Variants in TXNDC9 observed in about 807,000 individuals in gnomAD.
TXNDC9 encodes thioredoxin domain containing 9, also known as thioredoxin domain-containing protein 9.
In TXNDC9, 7 loss-of-function variants were observed where a neutral mutation model predicts 23.0. The ratio of observed to expected loss-of-function variants is 0.30; its 90% CI spans 0.17 to 0.57. The LOEUF (loss-of-function observed/expected upper bound fraction) is 0.57. TXNDC9 is among the 20% of genes least tolerant of loss of function. The pLI is 0.90. For synonymous variants in TXNDC9, 72 were observed against 90.6 expected (o/e 0.79, Z 1.17); for missense variants, 198 against 252.6 (o/e 0.78, Z 1.47).
chr2:99,333,811 T>C (rs2094231624), intron 1 of TXNDC9, among the ~76,000 whole-genome samples: 1 of 152,222 alleles, frequency 6.6e-6, no homozygotes, highest in Admixed American at 6.5e-5. Context: ...TGGTGTTCCC[T>C]GAGCATTAAT....
intron 1 of TXNDC9, among the ~76,000 whole-genome samples, chr2:99,334,232 T>A (rs1413783897): frequency 6.6e-6 from 1 of 151,908 alleles, no homozygotes. Context: ...GTGCCTGTAG[T>A]CCCCGCTACT....
In TXNDC9 at chr2:99,328,617, C is replaced by G. The variant is rs545146862; in HGVS notation, c.190-964G>C. ...AATGTAAATATCCACTTAACTCTAT[C>G]CATGTACTCTTAAACTACTAAAACC... is the stretch of plus-strand genomic sequence containing the variant. On this transcript the variant is annotated intron_variant, in intron 2 of 4. Coordinates refer to ENST00000264255, the MANE Select transcript of TXNDC9 (RefSeq NM_005783.4). 8.5e-4 allele frequency among the ~76,000 whole-genome samples: 129 copies of G among 152,166 alleles called. 1 individual carries two copies. The highest frequency in any genetic ancestry group is 6.9e-3 in the Admixed American group (105 of 15,272).
At chr2:99,329,759 G>A (rs1457396992) in intron 2 of TXNDC9, among the ~76,000 whole-genome samples, 2 of 152,026 alleles carry the variant, frequency 1.3e-5, no homozygotes, top group East Asian at 1.9e-4. Flanking sequence ...CTTGAGGACA[G>A]GAGTTTGAGA....
chr2:99,328,380 G>C (rs1444679934), intron 2 of TXNDC9, among the ~76,000 whole-genome samples: 1 of 151,932 alleles, frequency 6.6e-6, no homozygotes, highest in Non-Finnish European at 1.5e-5. Context: ...GGGGTTATAG[G>C]CATGAGCCAC....
intron 2 of TXNDC9, 50 bp downstream of exon 2, chr2:99,332,972 T>A (rs779664334): frequency 1.4e-5 from 20 of 1,438,532 alleles, no homozygotes; most frequent in Non-Finnish European, 1.8e-5. Context: ...ATATAAGTTG[T>A]TAGGCGCATA....
At chr2:99,331,851 T>A (rs746097957) in intron 2 of TXNDC9, among the ~76,000 whole-genome samples, 2 of 152,136 alleles carry the variant, frequency 1.3e-5, no homozygotes, top group Non-Finnish European at 2.9e-5. Context: ...TGCCTCAGCC[T>A]CCTGAGTAGC....
At chr2:99,334,285 C>CA (rs61650782) in intron 1 of TXNDC9, among the ~76,000 whole-genome samples, 22,404 of 152,148 alleles carry the variant, frequency 0.15, 1,813 homozygotes, top group East Asian at 0.26. Context: ...GCCCAGGAGG[C>CA]AGAGGTTGCA....
At chr2:99,308,632 A>G in the TXNDC9 span, among the ~76,000 whole-genome samples, 1 of 152,102 alleles carries the variant, frequency 6.6e-6, no homozygotes, top group Non-Finnish European at 1.5e-5. Flanking sequence ...GAAGATTAGA[A>G]TAACAAGAGG....
chr2:99,316,828 C>T (rs1196379222), downstream of TXNDC9, among the ~76,000 whole-genome samples: 2 of 152,158 alleles, frequency 1.3e-5, no homozygotes, highest in Non-Finnish European at 2.9e-5. Context: ...GCAATCTCGG[C>T]TCACTGCAAG....
intron 1 of TXNDC9, among the ~76,000 whole-genome samples, chr2:99,335,086 G>T (rs909976226): frequency 2.6e-5 from 4 of 152,238 alleles, no homozygotes; most frequent in Admixed American, 6.5e-5. Context: ...TAGAGGGCAA[G>T]TTTATGTGTA....
At chr2:99,317,005 C>T (rs1234506194), downstream of TXNDC9, among the ~76,000 whole-genome samples, 1 of 152,238 alleles carries the variant, frequency 6.6e-6, no homozygotes, top group Admixed American at 6.5e-5. Flanking sequence ...ATCCGCCCGC[C>T]TTGGCCTCCC....
At chr2:99,308,371 A>C in the TXNDC9 span, among the ~76,000 whole-genome samples, 4 of 152,158 alleles carry the variant, frequency 2.6e-5, no homozygotes, top group African/African-American at 9.7e-5. Flanking sequence ...TCTACACAGC[A>C]TAACAGCTTA....
Position 99,322,771 on chromosome 2 carries a change from ATTTTTTT to A in TXNDC9, c.309-569_309-563del. 11 of 1,334,284 alleles carry A rather than the reference ATTTTTTT, an allele frequency of 8.2e-6. No homozygotes were observed. In the South Asian group the frequency reaches 2.0e-4, roughly 24 times the overall value. The allele number at this position is 1,334,284 out of a possible 1,614,324, so 82.7% of individuals were successfully genotyped here. On this transcript the variant is annotated intron_variant, in intron 3 of 4. Coordinates refer to ENST00000264255, the MANE Select transcript of TXNDC9 (RefSeq NM_005783.4). ...ACCAGTAGTAACTTTTTTATTTTTT[ATTTTTTT>A]GGAGGTGGCGTATTGCCCTGTCCCC...
intron 2 of TXNDC9, among the ~76,000 whole-genome samples, chr2:99,330,411 C>T (rs1442838241): frequency 6.7e-6 from 1 of 149,748 alleles, no homozygotes; most frequent in African/African-American, 2.4e-5. Context: ...GGAGGATGTG[C>T]CCATTCCAAA....
chr2:99,310,117 C>G, the TXNDC9 span, among the ~76,000 whole-genome samples: 2 of 152,198 alleles, frequency 1.3e-5, no homozygotes, highest in Non-Finnish European at 2.9e-5. Context: ...AGTAGCACAA[C>G]TAACTCATCA....
At chr2:99,309,201 C>T in the TXNDC9 span, among the ~76,000 whole-genome samples, 1 of 151,354 alleles carries the variant, frequency 6.6e-6, no homozygotes, top group African/African-American at 2.4e-5. Context: ...GACGAAACCC[C>T]GTCTTTACTA....
Position 99,327,604 on chromosome 2 carries a change from C to T in TXNDC9, c.239G>A (p.Arg80Lys), listed in dbSNP as rs2094215525. The T allele has an allele frequency of 6.2e-7, 1 of 1,613,716 alleles. No homozygotes were observed. ...CTCCTTGACTTCTTGAAAAAAGTCTCTTTCACTAGGGATTTCTCTGTATTC... is the reference window on the plus strand; with the variant it reads ...CTCCTTGACTTCTTGAAAAAAGTCTTTTTCACTAGGGATTTCTCTGTATTC... ...HGEYREIPSE[R>K]DFFQEVKESE... The change falls in exon 3 of 5, where the codon AGA becomes AAA. Residue 80 changes from arginine (R) to lysine (K), a missense_variant. Coordinates refer to ENST00000264255, the MANE Select transcript of TXNDC9 (RefSeq NM_005783.4).
At chr2:99,316,342 T>A (rs1318327256), downstream of TXNDC9, among the ~76,000 whole-genome samples, 4 of 152,026 alleles carry the variant, frequency 2.6e-5, no homozygotes, top group Non-Finnish European at 5.9e-5. Context: ...GGCTAATTTT[T>A]AAAAATTTTT....
chr2:99,330,301 A>AAAAAAAAAAAAAAAAAAAAAAAAAAAAC, intron 2 of TXNDC9, among the ~76,000 whole-genome samples: 1 of 146,558 alleles, frequency 6.8e-6, no homozygotes, highest in Non-Finnish European at 1.5e-5. Flanking sequence ...AAAAAAAAAA[A>AAAAAAAAAAAAAAAAAAAAAAAAAAAAC]AAAAAAAAAA....
Sources: allele counts gnomAD v4.1 joint callset (sites outside exome capture counted in the v4.1 genomes callset), GRCh38; gene constraint gnomAD v4.1.1; transcripts MANE v1.5; gene names NCBI Gene and HGNC (gene_info 2026-07-23, HGNC 2026-07-21).